The following COL11A1 variants were observed in gnomAD, a reference collection of about 807,000 sequenced individuals.
COL11A1 encodes the protein collagen alpha-1(XI) chain.
Under a neutral mutation model 265.2 loss-of-function variants are expected in COL11A1, and 74 were observed. That is an observed-to-expected ratio of 0.28 (90% CI 0.23 to 0.34). The LOEUF is 0.34. COL11A1 is among the 10% of genes least tolerant of loss of function. The pLI is 1.00. For missense variants in COL11A1, 2,165 were observed against 2,263.6 expected (o/e 0.96, Z 0.88); for synonymous variants, 816 against 727.6 (o/e 1.12, Z -1.96).
intron 59 of COL11A1, 106 bp downstream of exon 59, chr1:102,889,349 A>G (rs1651431105): frequency 2.4e-6 from 2 of 833,404 alleles, no homozygotes; most frequent in Admixed American, 1.8e-5. Context: ...GAATTAAGAC[A>G]CTCTAAATTC....
chr1:102,931,237 T>C (rs1657393283), intron 46 of COL11A1, among the ~76,000 whole-genome samples: 2 of 151,250 alleles, frequency 1.3e-5, no homozygotes, highest in African/African-American at 2.4e-5. Context: ...TTTAGTGCTA[T>C]AAATTTCCCT....
chr1:102,933,846 C>T (rs961081826), intron 46 of COL11A1, among the ~76,000 whole-genome samples: 3 of 152,018 alleles, frequency 2.0e-5, no homozygotes, highest in Non-Finnish European at 4.4e-5. Flanking sequence ...GGGAGTGACC[C>T]GATTTTCCAG....
intron 1 of COL11A1, among the ~76,000 whole-genome samples, chr1:103,102,456 A>G (rs1252328001): frequency 6.6e-6 from 1 of 151,952 alleles, no homozygotes; most frequent in African/African-American, 2.4e-5. Flanking sequence ...CAAAAAAGAA[A>G]AAGTTTGGTT....
intron 9 of COL11A1, among the ~76,000 whole-genome samples, chr1:103,019,814 C>T (rs1291048582): frequency 6.7e-6 from 1 of 148,278 alleles, no homozygotes; most frequent in African/African-American, 2.5e-5. Flanking sequence ...GTTCAATTCC[C>T]ACCTATGAGT....
At chr1:102,895,526 C>T (rs962770101) in intron 57 of COL11A1, among the ~76,000 whole-genome samples, 3 of 152,016 alleles carry the variant, frequency 2.0e-5, no homozygotes, top group Admixed American at 6.6e-5. Context: ...CAAATTGAAG[C>T]CTGTGTAGAT....
At chr1:102,999,074 T>C (rs1664885284) in intron 24 of COL11A1, among the ~76,000 whole-genome samples, 1 of 151,888 alleles carries the variant, frequency 6.6e-6, no homozygotes, top group African/African-American at 2.4e-5. Flanking sequence ...ATATTAAATT[T>C]ATCAAGTTCC....
At chr1:102,960,463 A>T (rs1660788273) in intron 41 of COL11A1, among the ~76,000 whole-genome samples, 1 of 120,704 alleles carries the variant, frequency 8.3e-6, no homozygotes, top group East Asian at 2.9e-4. Flanking sequence ...ATGGAGATAT[A>T]ATAAAGGTCA....
intron 4 of COL11A1, among the ~76,000 whole-genome samples, chr1:103,057,492 T>C (rs1220452534): frequency 1.3e-5 from 2 of 152,234 alleles, no homozygotes; most frequent in Non-Finnish European, 2.9e-5. Context: ...GAATGGTGAA[T>C]CTTTTCTAGA....
intron 10 of COL11A1, 89 bp downstream of exon 10, chr1:103,018,729 A>C: frequency 9.9e-7 from 1 of 1,014,112 alleles, no homozygotes; most frequent in South Asian, 1.4e-5. Flanking sequence ...TATTCTAATT[A>C]GTCTAAAATG....
intron 58 of COL11A1, among the ~76,000 whole-genome samples, 164 bp from the exon 59 acceptor site, chr1:102,889,726 C>G (rs1306923175): frequency 6.6e-6 from 1 of 152,090 alleles, no homozygotes; most frequent in Non-Finnish European, 1.5e-5. Context: ...TTAAGAATCT[C>G]CTTCTCATCA....
At chr1:102,986,254 TC>T (rs1276711793) in intron 30 of COL11A1, among the ~76,000 whole-genome samples, 1 of 151,916 alleles carries the variant, frequency 6.6e-6, no homozygotes, top group Non-Finnish European at 1.5e-5. Context: ...TGAGTTCATG[TC>T]CTTTGTAGGG....
intron 28 of COL11A1, among the ~76,000 whole-genome samples, chr1:102,991,009 G>T (rs1283661735): frequency 6.6e-6 from 1 of 152,032 alleles, no homozygotes; most frequent in African/African-American, 2.4e-5. Flanking sequence ...CTCCAGGCTT[G>T]GCAACAGAGG....
At chr1:103,037,877 G>C (rs1229918892) in intron 4 of COL11A1, among the ~76,000 whole-genome samples, 1 of 151,952 alleles carries the variant, frequency 6.6e-6, no homozygotes, top group Non-Finnish European at 1.5e-5. Context: ...AAATATCTAA[G>C]ATTAGATATT....
chr1:103,072,196 C>T (rs546973497), intron 4 of COL11A1, among the ~76,000 whole-genome samples: 2 of 151,928 alleles, frequency 1.3e-5, no homozygotes, highest in Admixed American at 1.3e-4. Context: ...TTAAAATCAT[C>T]TTCAGTTTTG....
chr1:103,055,532 G>A (rs999857438), intron 4 of COL11A1, among the ~76,000 whole-genome samples: 1 of 151,990 alleles, frequency 6.6e-6, no homozygotes, highest in African/African-American at 2.4e-5. Context: ...ACAGAGCAAG[G>A]AGGATTCAGA....
In COL11A1 at chr1:102,878,056, A is replaced by G; in HGVS notation, c.5384T>C (p.Phe1795Ser). ...ACAAACAGGACCAACTTCAAATCCG[A>G]ACTTCTGATTCTGATCACCAAAGTC... is the stretch of plus-strand genomic sequence containing the variant. ...INDFGDQNQK[F>S]GFEVGPVCFL... Residue 1795 changes from phenylalanine to serine, a missense_variant, in exon 67 of 67, where the codon TTC becomes TCC. Transcript: ENST00000370096. 2 of 1,613,732 alleles carry G rather than the reference A, an allele frequency of 1.2e-6. No homozygotes were observed. The highest frequency in any genetic ancestry group is 4.5e-5 in the East Asian group (2 of 44,830).
chr1:103,071,623 G>C (rs12742552), intron 4 of COL11A1, among the ~76,000 whole-genome samples: 28,600 of 150,750 alleles, frequency 0.19, 2,827 homozygotes, highest in Middle Eastern at 0.24. Flanking sequence ...ATTGCAGTAG[G>C]CCAGAAAAGA....
At chr1:103,018,147 T>C (rs2101916506) in intron 10 of COL11A1, among the ~76,000 whole-genome samples, 1 of 152,260 alleles carries the variant, frequency 6.6e-6, no homozygotes, top group South Asian at 2.1e-4. Context: ...AAGGTCATAT[T>C]TGGTCCCAGT....
At chr1:102,916,246 TA>T (rs1414852658) in intron 49 of COL11A1, among the ~76,000 whole-genome samples, 1 of 152,172 alleles carries the variant, frequency 6.6e-6, no homozygotes, top group African/African-American at 2.4e-5. Context: ...AGTATACACA[TA>T]AATGTGATAG....
Sources: gnomAD v4.1 joint callset for allele counts (sites outside exome capture counted in the v4.1 genomes callset) on GRCh38, gnomAD v4.1.1 for gene constraint, MANE v1.5 for transcripts, NCBI Gene and HGNC (gene_info 2026-07-23, HGNC 2026-07-21) for gene names.